Variants in RNF8 observed in about 807,000 individuals in gnomAD.
RNF8 encodes the protein E3 ubiquitin-protein ligase RNF8.
RNF8 carries 8 observed loss-of-function variants against 59.3 expected under a neutral mutation model. That is an observed-to-expected ratio of 0.13 (90% CI 0.08 to 0.24). The LOEUF is 0.24. Ranked by LOEUF, RNF8 falls within the 10% of genes least tolerant of loss-of-function variation. The probability of loss-of-function intolerance (pLI) is 1.00; values close to 1 mark genes in which losing one functional copy is unlikely to be tolerated. For missense variants in RNF8, 406 were observed against 572.6 expected (o/e 0.71, Z 2.97); for synonymous variants, 162 against 200.0 (o/e 0.81, Z 1.60).
intron 1 of RNF8, 48 bp downstream of exon 1, chr6:37,354,323 G>T: frequency 7.0e-7 from 1 of 1,429,872 alleles, no homozygotes; most frequent in South Asian, 1.3e-5. Context: ...GCTGGAGGGA[G>T]CGGGGCTCCG....
chr6:37,369,507 G>A (rs749787419), intron 3 of RNF8, among the ~76,000 whole-genome samples: 3 of 152,236 alleles, frequency 2.0e-5, no homozygotes, highest in Non-Finnish European at 4.4e-5. Flanking sequence ...CAAAGCTGAG[G>A]CAACTCAGAA....
Position 37,388,913 on chromosome 6 carries a change from A to G in RNF8, c.1442-1829A>G, listed in dbSNP as rs7738207. Among the ~76,000 whole-genome samples the G allele has an allele frequency of 9.7e-4, 147 of 150,808 alleles. 1 individual carries two copies. Among genetic ancestry groups the G allele is most frequent in the African/African-American group, 3.3e-3 (135 of 40,350 alleles). ...GTGCCACTGTACTCCAGCCTGGGCA[A>G]AAGAGCCAGACCCTATCTCTTTAAA... On this transcript the variant is annotated intron_variant, in intron 7 of 7. Coordinates refer to ENST00000373479, the MANE Select transcript of RNF8 (RefSeq NM_003958.4).
At position 37,394,261 on chromosome 6, in the gene RNF8, C is replaced by G. The variant is rs1770801811; in HGVS notation, c.*3503C>G. On this transcript the variant is annotated 3_prime_UTR_variant, in exon 8 of 8. Coordinates refer to ENST00000373479, the MANE Select transcript of RNF8 (RefSeq NM_003958.4). ...ATAGGTCAAGGGCTTGTTCTGAACC[C>G]TAGTTAGCTTCATTCAGAGAAAGAA... 1 of 152,150 alleles carries G rather than the reference C, an allele frequency of 6.6e-6. No individual in the cohort carries two copies. The highest frequency in any genetic ancestry group is 1.5e-5 in the Non-Finnish European group (1 of 68,042). 9.4% of individuals were successfully genotyped at this position (152,150 alleles called of 1,614,324 possible).
chr6:37,372,271 T>A (rs995798041), intron 4 of RNF8, among the ~76,000 whole-genome samples: 1 of 152,152 alleles, frequency 6.6e-6, no homozygotes, highest in African/African-American at 2.4e-5. Flanking sequence ...GCAAATCACA[T>A]AGGAATTTGT....
intron 1 of RNF8, among the ~76,000 whole-genome samples, chr6:37,354,829 C>T (rs993398181): frequency 4.6e-5 from 7 of 152,222 alleles, no homozygotes; most frequent in Non-Finnish European, 1.0e-4. Flanking sequence ...CGAGGCAGGG[C>T]CCGGCGCCTG....
chr6:37,382,906 G>A (rs1770333383), intron 7 of RNF8, among the ~76,000 whole-genome samples: 1 of 151,572 alleles, frequency 6.6e-6, no homozygotes, highest in Non-Finnish European at 1.5e-5. Flanking sequence ...TGAACCTGCA[G>A]AGGTTGCAGT....
Position 37,377,031 on chromosome 6 carries a change from G to T in RNF8, c.1234G>T (p.Glu412Ter). ...QCIICSEYFI[E>*]AVTLNCAHSF... The stretch of plus-strand genomic sequence containing the variant: ...TATTATTTGTTCAGAATACTTCATT[G>T]AGGTAATTATGAACAGTTGCTCACC... Residue 412 changes from glutamate (E) to a stop codon, truncating the protein, a stop_gained and splice_region_variant, in exon 6 of 8, where the codon GAG (glutamate) becomes TAG (stop). Transcript: ENST00000373479. LOFTEE classifies it high-confidence loss of function. 2 of 856,918 alleles carry T rather than the reference G, an allele frequency of 2.3e-6. No individual in the cohort carries two copies. Among genetic ancestry groups the T allele is most frequent in the South Asian group, 1.3e-5 (1 of 76,740 alleles). The allele number at this position is 856,918 out of a possible 1,614,324, so 53.1% of individuals were successfully genotyped here.
In RNF8 at chr6:37,390,787, C is replaced by T; in HGVS notation, c.*29C>T. The stretch of plus-strand genomic sequence containing the variant: ...CCGTGCTCTAAGGGCATTTGAAAGA[C>T]TGCCAGGTAGTGCGAGCCTGAGATG... On this transcript the variant is annotated 3_prime_UTR_variant, in exon 8 of 8. Transcript: ENST00000373479. The T allele has an allele frequency of 1.2e-6, 2 of 1,614,132 alleles. No homozygotes were observed. The highest frequency in any genetic ancestry group is 1.3e-5 in the African/African-American group (1 of 75,050).
At chr6:37,373,681 T>A (rs1769896437) in intron 4 of RNF8, among the ~76,000 whole-genome samples, 1 of 152,214 alleles carries the variant, frequency 6.6e-6, no homozygotes, top group Admixed American at 6.5e-5. Flanking sequence ...GTGCTGGGAT[T>A]ACAGGTATTA....
chr6:37,378,672 G>GT (rs1277396504), intron 6 of RNF8, among the ~76,000 whole-genome samples: 3 of 151,076 alleles, frequency 2.0e-5, no homozygotes, highest in Non-Finnish European at 2.9e-5. Flanking sequence ...CTTTAGGGAA[G>GT]TTGGGTCTGT....
intron 3 of RNF8, among the ~76,000 whole-genome samples, chr6:37,370,955 G>A (rs1038433865): frequency 6.6e-6 from 1 of 152,114 alleles, no homozygotes; most frequent in South Asian, 2.1e-4. Flanking sequence ...GGAAGGTGCT[G>A]GACATATAGG....
intron 2 of RNF8, chr6:37,361,174 G>A (rs760297374): frequency 6.7e-6 from 3 of 448,794 alleles, no homozygotes; most frequent in Admixed American, 2.4e-5. Context: ...CAATTAGAAA[G>A]TACCTAATGT....
chr6:37,383,791 A>G (rs557992513), intron 7 of RNF8, among the ~76,000 whole-genome samples: 3 of 152,314 alleles, frequency 2.0e-5, no homozygotes, highest in Admixed American at 6.5e-5. Context: ...TAAGTCTTGT[A>G]TCATGAGTCA....
At chr6:37,381,712 G>A (rs1770270962) in intron 7 of RNF8, among the ~76,000 whole-genome samples, 1 of 152,184 alleles carries the variant, frequency 6.6e-6, no homozygotes, top group Non-Finnish European at 1.5e-5. Context: ...TCCAGGTGTT[G>A]AAAAAACCTT....
intron 5 of RNF8, among the ~76,000 whole-genome samples, chr6:37,376,342 G>T (rs1356335325): frequency 6.6e-6 from 1 of 152,134 alleles, no homozygotes; most frequent in African/African-American, 2.4e-5. Context: ...TGAAAAAGTG[G>T]TGTTTTAGTC....
In RNF8 at chr6:37,392,517, A is replaced by G. The variant is rs1770754586; in HGVS notation, c.*1759A>G. The G allele has an allele frequency of 1.3e-5, 5 of 398,536 alleles. No individual in the cohort carries two copies. The South Asian group carries it at 3.8e-4, about 30-fold the overall frequency. 24.7% of individuals were successfully genotyped at this position (398,536 alleles called of 1,614,324 possible). A position where few individuals can be genotyped will look rare whatever the true frequency, so the allele number is the denominator to read the frequency against. ...TATATTCTTCCAGAGATCTCTGTCT[A>G]TACAAGCAAAAACACATGTGGTCTT... On this transcript the variant is annotated 3_prime_UTR_variant, in exon 8 of 8. Coordinates refer to ENST00000373479, the MANE Select transcript of RNF8 (RefSeq NM_003958.4).
chr6:37,369,886 A>G (rs1292166224), intron 3 of RNF8: 4 of 152,380 alleles, frequency 2.6e-5, no homozygotes, highest in African/African-American at 9.7e-5. Context: ...TAAAATAATG[A>G]CTGTCTTAGC....
rs919410522 is a variant in RNF8, at chr6:37,394,034, C to T, written c.*3276C>T. The T allele has an allele frequency of 2.6e-5, 4 of 152,162 alleles. No individual in the cohort carries two copies. The highest frequency in any genetic ancestry group is 9.7e-5 in the African/African-American group (4 of 41,430). 9.4% of individuals were successfully genotyped at this position (152,162 alleles called of 1,614,324 possible). A position where few individuals can be genotyped will look rare whatever the true frequency, so the allele number is the denominator to read the frequency against. ...TGGGGTGTCCTAGGTATGTTTATCT[C>T]GACACTGAACCCCCTAGGCTTCTGA... is the stretch of plus-strand genomic sequence containing the variant. On this transcript the variant is annotated 3_prime_UTR_variant, in exon 8 of 8. Coordinates refer to ENST00000373479, the MANE Select transcript of RNF8 (RefSeq NM_003958.4).
In RNF8 at chr6:37,360,714, C is replaced by A; in HGVS notation, c.240+140C>A. ...GCCATCCAGTTCCCTTTTCCAGAGG[C>A]AGCCACTTCCATATGCTGCCAGAGA... On this transcript the variant is annotated intron_variant, in intron 2 of 7. Coordinates refer to ENST00000373479, the MANE Select transcript of RNF8 (RefSeq NM_003958.4). The surrounding 1 kb of genome is among the most constrained non-coding windows in gnomAD (Gnocchi z 4.2). 1 of 765,330 alleles carries A rather than the reference C, an allele frequency of 1.3e-6. No individual in the cohort carries two copies. Among genetic ancestry groups the A allele is most frequent in the Non-Finnish European group, 2.0e-6 (1 of 499,338 alleles). 47.4% of individuals were successfully genotyped at this position (765,330 alleles called of 1,614,324 possible).
Sources: allele counts gnomAD v4.1 joint callset (sites outside exome capture counted in the v4.1 genomes callset), GRCh38; gene constraint gnomAD v4.1.1; non-coding constraint Gnocchi (gnomAD v3.1); transcripts MANE v1.5; gene names NCBI Gene and HGNC (gene_info 2026-07-23, HGNC 2026-07-21).